PLEKHA8: variants seen among roughly 807,000 people sequenced by gnomAD.
The protein encoded by PLEKHA8 is pleckstrin homology domain containing A8.
Under a neutral mutation model 68.2 loss-of-function variants are expected in PLEKHA8, and 36 were observed. That is an observed-to-expected ratio of 0.53 (90% CI 0.40 to 0.70). PLEKHA8 has a LOEUF of 0.70. Ranked by LOEUF, PLEKHA8 falls within the 30% of genes least tolerant of loss-of-function variation. The pLI is 0.00. For synonymous variants in PLEKHA8, 211 were observed against 216.1 expected (o/e 0.98, Z 0.20); for missense variants, 505 against 615.4 (o/e 0.82, Z 1.90).
chr7:30,129,272 G>A (rs750568691), exon 14 of PLEKHA8: 2 of 1,612,702 alleles, frequency 1.2e-6, no homozygotes, highest in Non-Finnish European at 1.7e-6. Context: ...GTAGGTGTAG[G>A]AATGTGGGTG....
At chr7:30,114,216 C>T (rs1415578204) in intron 13 of PLEKHA8, among the ~76,000 whole-genome samples, 1 of 152,034 alleles carries the variant, frequency 6.6e-6, no homozygotes. Flanking sequence ...TTTTTTGTTA[C>T]AATAGTAGCT....
At chr7:30,092,747 A>G (rs1001225226), downstream of PLEKHA8, among the ~76,000 whole-genome samples, 3 of 152,236 alleles carry the variant, frequency 2.0e-5, no homozygotes, top group African/African-American at 7.2e-5. Flanking sequence ...CAGCGTGGGC[A>G]TATGATCCAG....
intron 1 of PLEKHA8, among the ~76,000 whole-genome samples, chr7:30,039,069 A>G (rs1307234327): frequency 6.6e-6 from 1 of 152,208 alleles, no homozygotes; most frequent in Non-Finnish European, 1.5e-5. Context: ...TTTTAAAAGT[A>G]AATTTTACAC....
Position 30,079,725 on chromosome 7 carries a change from G to T in PLEKHA8, c.*938G>T. ...ATATGGAGTGCTTGTTCAAACAGCA[G>T]ATTCCCAGGCCTTATTTTGGCCTAA... On this transcript the variant is annotated 3_prime_UTR_variant, in exon 14 of 14. Coordinates refer to ENST00000449726, the MANE Select transcript of PLEKHA8 (RefSeq NM_001197026.2). 1.9e-6 allele frequency: 1 copy of T among 524,080 alleles called. No homozygotes were observed. The highest frequency in any genetic ancestry group is 2.4e-6 in the Non-Finnish European group (1 of 408,908). The allele number at this position is 524,080 out of a possible 1,614,324, so 32.5% of individuals were successfully genotyped here.
At chr7:30,077,595 G>A (rs1299258080) in intron 13 of PLEKHA8, among the ~76,000 whole-genome samples, 1 of 152,136 alleles carries the variant, frequency 6.6e-6, no homozygotes, top group Non-Finnish European at 1.5e-5. Flanking sequence ...CCTCAAACTG[G>A]TATGTGAAAG....
intron 9 of PLEKHA8, among the ~76,000 whole-genome samples, chr7:30,059,808 A>G (rs1793293614): frequency 1.3e-5 from 2 of 151,856 alleles, no homozygotes; most frequent in Admixed American, 6.6e-5. Flanking sequence ...TCTAGTAGGC[A>G]TATTAACATA....
In PLEKHA8 at chr7:30,034,013, T is replaced by C. The variant is rs1239599326; in HGVS notation, c.40+5211T>C. On this transcript the variant is annotated intron_variant, in intron 1 of 13. Coordinates refer to ENST00000449726, the MANE Select transcript of PLEKHA8 (RefSeq NM_001197026.2). Reference sequence around the variant, plus strand: ...ATTACAGAGTTGTAAGAGGTTTCTTTTTTTTTTTTTTTTTTTTTTTTTTTT... The same window carrying C: ...ATTACAGAGTTGTAAGAGGTTTCTTCTTTTTTTTTTTTTTTTTTTTTTTTT... Among the ~76,000 whole-genome samples the C allele has an allele frequency of 1.7e-4, 6 of 35,396 alleles. No homozygotes were observed. The East Asian group carries it at 4.1e-3, about 24-fold the overall frequency. 23.2% of individuals were successfully genotyped at this position (35,396 alleles called of 152,430 possible). A position where few individuals can be genotyped will look rare whatever the true frequency, so the allele number is the denominator to read the frequency against.
At chr7:30,031,072 G>C (rs1030766228) in intron 1 of PLEKHA8, among the ~76,000 whole-genome samples, 1 of 152,208 alleles carries the variant, frequency 6.6e-6, no homozygotes, top group Non-Finnish European at 1.5e-5. Flanking sequence ...TGTCAAATTT[G>C]AGTGAAGTTA....
chr7:30,058,881 C>A (rs1049090759), intron 9 of PLEKHA8, among the ~76,000 whole-genome samples: 2 of 152,232 alleles, frequency 1.3e-5, no homozygotes, highest in Non-Finnish European at 2.9e-5. Flanking sequence ...AATCCCAGCA[C>A]TTTGGGAGGC....
chr7:30,125,694 A>G (rs764708974), intron 13 of PLEKHA8, among the ~76,000 whole-genome samples: 1 of 152,206 alleles, frequency 6.6e-6, no homozygotes, highest in Non-Finnish European at 1.5e-5. Flanking sequence ...TGAATTTACT[A>G]TCTCCTAAGC....
chr7:30,128,754 G>T (rs1201065467), intron 13 of PLEKHA8, among the ~76,000 whole-genome samples: 1 of 152,164 alleles, frequency 6.6e-6, no homozygotes, highest in Non-Finnish European at 1.5e-5. Flanking sequence ...TCATTGTTCT[G>T]CAGGCTGTAC....
At chr7:30,091,549 A>G (rs1458348907), downstream of PLEKHA8, among the ~76,000 whole-genome samples, 1 of 152,146 alleles carries the variant, frequency 6.6e-6, no homozygotes, top group Non-Finnish European at 1.5e-5. Context: ...GCTCATCCAA[A>G]CATTCCATTT....
At chr7:30,065,310 T>C (rs570522332) in intron 12 of PLEKHA8, among the ~76,000 whole-genome samples, 4 of 152,308 alleles carry the variant, frequency 2.6e-5, no homozygotes, top group Admixed American at 2.0e-4. Context: ...GTGTTTATGA[T>C]TTAAATCCTA....
chr7:30,046,104 A>C (rs957248805), intron 2 of PLEKHA8, 106 bp from the exon 3 acceptor site: 1 of 1,086,626 alleles, frequency 9.2e-7, no homozygotes, highest in African/African-American at 1.6e-5. Flanking sequence ...CTTTGGGAAG[A>C]AGCCTTCAAT....
chr7:30,042,120 C>T (rs1392018943), intron 1 of PLEKHA8, among the ~76,000 whole-genome samples: 1 of 152,174 alleles, frequency 6.6e-6, no homozygotes, highest in Non-Finnish European at 1.5e-5. Flanking sequence ...ATTCCTCCTG[C>T]GACTGCCTTG....
intron 13 of PLEKHA8, among the ~76,000 whole-genome samples, chr7:30,108,134 C>T (rs915369081): frequency 1.4e-5 from 2 of 147,580 alleles, no homozygotes; most frequent in African/African-American, 5.0e-5. Context: ...TTCCTTAAAC[C>T]AACTAATATG....
Position 30,115,920 on chromosome 7 carries a change from G to A in PLEKHA8, c.1363-13346G>A, listed in dbSNP as rs576477961. ...CATGCATGTATACATGCATGCGTGC[G>A]TGTACATACATGTATACATGCACAC... On this transcript the variant is annotated intron_variant, in intron 13 of 13. Transcript: ENST00000396257. The A allele has an allele frequency of 1.4e-4, 17 of 117,992 alleles. 4 individuals are homozygous for A. Among genetic ancestry groups the A allele is most frequent in the South Asian group, 2.5e-4 (1 of 3,924 alleles). The allele number at this position is 117,992 out of a possible 1,614,324, so 7.3% of individuals were successfully genotyped here.
Position 30,054,868 on chromosome 7 carries a change from A to G in PLEKHA8, c.953+3A>G. ...TTCTTTAGTACCATGAACACAAGGT[A>G]TTCTAGACTCTTTAATATCACTGAT... On this transcript the variant is annotated splice_donor_region_variant and intron_variant, in intron 8 of 13. Transcript: ENST00000449726. 1.3e-6 allele frequency: 2 copies of G among 1,593,904 alleles called. No homozygotes were observed. The highest frequency in any genetic ancestry group is 8.5e-7 in the Non-Finnish European group (1 of 1,170,636).
intron 13 of PLEKHA8, among the ~76,000 whole-genome samples, chr7:30,118,670 C>T (rs767093862): frequency 1.3e-5 from 2 of 151,946 alleles, no homozygotes; most frequent in African/African-American, 4.8e-5. Context: ...CTCCGCCTGC[C>T]GGGTTCATGC....
Sources: allele counts gnomAD v4.1 joint callset (sites outside exome capture counted in the v4.1 genomes callset), GRCh38; gene constraint gnomAD v4.1.1; transcripts MANE v1.5; gene names NCBI Gene and HGNC (gene_info 2026-07-23, HGNC 2026-07-21).